RTN4: variants seen among roughly 807,000 people sequenced by gnomAD.
The protein encoded by RTN4 is reticulon-4.
In RTN4, 32 loss-of-function variants were observed where a neutral mutation model predicts 90.4. The observed-to-expected ratio is 0.35, with a 90% confidence interval of 0.27 to 0.48. The LOEUF is 0.48. RTN4 is among the 20% of genes least tolerant of loss of function. RTN4 has a pLI of 0.99. For synonymous variants in RTN4, 629 were observed against 552.5 expected (o/e 1.14, Z -1.94); for missense variants, 1,706 against 1,430.2 (o/e 1.19, Z -3.11).
At chr2:55,004,103 T>G (rs1016231156) in intron 3 of RTN4, among the ~76,000 whole-genome samples, 2 of 152,162 alleles carry the variant, frequency 1.3e-5, no homozygotes, top group Non-Finnish European at 2.9e-5. Context: ...CCCAGAGAAC[T>G]CCCACTAGGT....
chr2:55,123,993 C>G, the RTN4 span, among the ~76,000 whole-genome samples: 1 of 152,104 alleles, frequency 6.6e-6, no homozygotes, highest in African/African-American at 2.4e-5. Flanking sequence ...GGACTAAGGA[C>G]TTTGTATCCT....
At chr2:55,103,276 C>A (rs548712898) in intron 1 of RTN4, among the ~76,000 whole-genome samples, 28 of 151,948 alleles carry the variant, frequency 1.8e-4, no homozygotes, top group African/African-American at 6.8e-4. Flanking sequence ...AAAAGTCGAA[C>A]TCAGGGCAGA....
intron 3 of RTN4, among the ~76,000 whole-genome samples, chr2:54,992,748 A>AAT (rs1351127631): frequency 5.9e-5 from 9 of 152,176 alleles, no homozygotes; most frequent in Non-Finnish European, 1.0e-4. Flanking sequence ...ATGTTACAAA[A>AAT]AGACTCACAG....
chr2:55,050,510 C>T (rs1002008805), upstream of RTN4: 2 of 392,234 alleles, frequency 5.1e-6, no homozygotes, highest in African/African-American at 2.1e-5. This position sits in a 1 kb window ranked among gnomAD's most constrained non-coding sequence, Gnocchi z 4.6. Context: ...CCCCACTTGC[C>T]GCCGCCGCCC....
chr2:55,086,253 T>C (rs1161711896), intron 1 of RTN4, among the ~76,000 whole-genome samples: 1 of 152,262 alleles, frequency 6.6e-6, no homozygotes. Flanking sequence ...GTGTTTAGTT[T>C]TGTTTTTAAC....
chr2:55,130,134 G>T, the RTN4 span, among the ~76,000 whole-genome samples: 1 of 152,160 alleles, frequency 6.6e-6, no homozygotes, highest in African/African-American at 2.4e-5. Flanking sequence ...GGCTTAATAA[G>T]TTATGGAACA....
rs74696717 is a variant in RTN4, at chr2:55,037,258, T to A, written c.557-9038A>T. On this transcript the variant is annotated intron_variant, in intron 1 of 8. Coordinates refer to ENST00000337526, the MANE Select transcript of RTN4 (RefSeq NM_020532.5). ...CTAAACAACAGAGATATCACATTCATGGGTTGAAAGATATAATATTGTTGA... is the reference window on the plus strand; with the variant it reads ...CTAAACAACAGAGATATCACATTCAAGGGTTGAAAGATATAATATTGTTGA... Among the ~76,000 whole-genome samples, 5 of 152,330 alleles carry A rather than the reference T, an allele frequency of 3.3e-5. No individual in the cohort carries two copies. The East Asian group carries it at 9.6e-4, about 29-fold the overall frequency.
At chr2:55,076,663 G>A (rs1668606414) in intron 2 of RTN4, among the ~76,000 whole-genome samples, 1 of 151,906 alleles carries the variant, frequency 6.6e-6, no homozygotes, top group Non-Finnish European at 1.5e-5. Flanking sequence ...CAAAGTGCTG[G>A]GATTACAGGC....
At position 54,972,849 on chromosome 2, in the gene RTN4, A is replaced by AAGAC. The variant is rs1677205941; in HGVS notation, c.*303_*306dup. ...TCTCTGCAACTTGCCAAGATGCGGC[A>AAGAC]AGACTATCTGCAACAAAGTAAAATA... On this transcript the variant is annotated 3_prime_UTR_variant, in exon 9 of 9. Transcript: ENST00000337526. The AAGAC allele has an allele frequency of 3.9e-6, 1 of 257,930 alleles. No homozygotes were observed. Among genetic ancestry groups the AAGAC allele is most frequent in the African/African-American group, 2.3e-5 (1 of 44,242 alleles). 16.0% of individuals were successfully genotyped at this position (257,930 alleles called of 1,614,324 possible).
chr2:55,069,739 T>G (rs992751033), intron 2 of RTN4, among the ~76,000 whole-genome samples: 1 of 152,166 alleles, frequency 6.6e-6, no homozygotes, highest in Non-Finnish European at 1.5e-5. Flanking sequence ...CTGCAGGGCC[T>G]GCACCTCCAC....
chr2:55,016,927 T>C (rs1014711525), intron 3 of RTN4, among the ~76,000 whole-genome samples: 14 of 152,360 alleles, frequency 9.2e-5, no homozygotes, highest in African/African-American at 3.4e-4. Flanking sequence ...AAAATTAAGT[T>C]ATTTAACCAC....
At chr2:55,136,575 C>A in the RTN4 span, among the ~76,000 whole-genome samples, 14,066 of 152,278 alleles carry the variant, frequency 0.092, 745 homozygotes, top group East Asian at 0.21. Flanking sequence ...CAGATGAATT[C>A]TTTCGCCTGA....
At chr2:54,998,453 ACTAATT>A in intron 3 of RTN4, among the ~76,000 whole-genome samples, 1 of 152,192 alleles carries the variant, frequency 6.6e-6, no homozygotes, top group East Asian at 1.9e-4. Flanking sequence ...ATGACAGGTC[ACTAATT>A]CTAATTGATT....
At chr2:54,989,611 G>C (rs1678848354) in intron 3 of RTN4, among the ~76,000 whole-genome samples, 1 of 152,190 alleles carries the variant, frequency 6.6e-6, no homozygotes, top group East Asian at 1.9e-4. Context: ...ACTCAACCTA[G>C]CAGAATGAGA....
intron 2 of RTN4, among the ~76,000 whole-genome samples, chr2:55,066,932 G>T (rs546206607): frequency 6.6e-6 from 1 of 152,134 alleles, no homozygotes; most frequent in East Asian, 1.9e-4. Flanking sequence ...GAAATAATTT[G>T]CATGTTCAAC....
chr2:55,106,578 G>T (rs1008941484), intron 1 of RTN4, among the ~76,000 whole-genome samples: 6 of 152,140 alleles, frequency 3.9e-5, no homozygotes, highest in Admixed American at 3.3e-4. Flanking sequence ...GGAGTGCAGT[G>T]GCGTGATCTC....
the RTN4 span, among the ~76,000 whole-genome samples, chr2:55,128,455 A>G: frequency 3.6e-3 from 554 of 151,890 alleles, 5 homozygotes; most frequent in Middle Eastern, 0.014. Context: ...GGAGTTCTAG[A>G]CCCCCAGAGC....
upstream of RTN4, chr2:55,050,479 G>C (rs1005778257): frequency 4.8e-6 from 2 of 415,708 alleles, no homozygotes; most frequent in African/African-American, 2.1e-5. This position sits in a 1 kb window ranked among gnomAD's most constrained non-coding sequence, Gnocchi z 4.6. Flanking sequence ...CTCCGCGCCG[G>C]TGATGCGCCA....
At chr2:55,052,577 A>G (rs1010634132), upstream of RTN4, among the ~76,000 whole-genome samples, 5 of 152,160 alleles carry the variant, frequency 3.3e-5, no homozygotes, top group Non-Finnish European at 4.4e-5. Context: ...AAGAGTAGGA[A>G]GAGAGATGTA....
Sources: gnomAD v4.1 joint callset for allele counts (sites outside exome capture counted in the v4.1 genomes callset) on GRCh38, gnomAD v4.1.1 for gene constraint, Gnocchi (gnomAD v3.1) non-coding constraint, MANE v1.5 for transcripts, NCBI Gene and HGNC (gene_info 2026-07-23, HGNC 2026-07-21) for gene names.